The following SPAG16 variants were observed in gnomAD, a reference collection of about 807,000 sequenced individuals.
SPAG16 encodes sperm associated antigen 16, also known as sperm-associated antigen 16 protein.
SPAG16 carries 86 observed loss-of-function variants against 80.4 expected under a neutral mutation model. That is an observed-to-expected ratio of 1.07 (90% CI 0.90 to 1.28). The LOEUF is 1.28. SPAG16 is among the 50% of genes most tolerant of loss of function. SPAG16 has a pLI of 0.00. For synonymous variants in SPAG16, 294 were observed against 265.9 expected, an observed-to-expected ratio of 1.11 and a Z score of -1.03; for missense variants, 870 against 765.3, an observed-to-expected ratio of 1.14 and a Z score of -1.61.
intron 10 of SPAG16, among the ~76,000 whole-genome samples, chr2:213,510,173 A>G (rs369971971): frequency 2.6e-5 from 4 of 152,096 alleles, no homozygotes; most frequent in African/African-American, 9.7e-5. Context: ...CTGAAATCCT[A>G]GTTATTTTCA....
intron 10 of SPAG16, among the ~76,000 whole-genome samples, chr2:213,752,493 G>T (rs538134648): frequency 6.6e-6 from 1 of 152,076 alleles, no homozygotes; most frequent in South Asian, 2.1e-4. Context: ...CTTCTAAAAT[G>T]CTTAAGGTTT....
chr2:214,008,962 G>C (rs966127852), intron 12 of SPAG16, among the ~76,000 whole-genome samples: 1 of 152,098 alleles, frequency 6.6e-6, no homozygotes, highest in African/African-American at 2.4e-5. Context: ...TACCCCTATA[G>C]TGGAGCCTTT....
At chr2:214,313,410 T>TTTCATTTTA (rs1168277459) in intron 15 of SPAG16, among the ~76,000 whole-genome samples, 1 of 152,130 alleles carries the variant, frequency 6.6e-6, no homozygotes, top group East Asian at 1.9e-4. Flanking sequence ...TTCGATTACT[T>TTTCATTTTA]TTCATTTTAT....
chr2:213,829,615 T>C (rs1161779288), intron 10 of SPAG16, among the ~76,000 whole-genome samples: 4 of 152,132 alleles, frequency 2.6e-5, no homozygotes, highest in Non-Finnish European at 5.9e-5. Context: ...GGATCACACC[T>C]GAAGGCAGTG....
intron 11 of SPAG16, among the ~76,000 whole-genome samples, chr2:213,862,963 C>A (rs940117609): frequency 6.6e-6 from 1 of 152,114 alleles, no homozygotes; most frequent in African/African-American, 2.4e-5. Context: ...CCAGAATTTA[C>A]CTTTGTTAAT....
intron 10 of SPAG16, among the ~76,000 whole-genome samples, chr2:213,787,641 A>G (rs2070426787): frequency 1.3e-5 from 2 of 152,050 alleles, no homozygotes; most frequent in Admixed American, 1.3e-4. Context: ...ATATAATTAA[A>G]TGATTTTTAA....
chr2:213,525,926 AT>A (rs1476140192), intron 10 of SPAG16, among the ~76,000 whole-genome samples: 1 of 152,172 alleles, frequency 6.6e-6, no homozygotes, highest in African/African-American at 2.4e-5. Context: ...TTCATAAAAA[AT>A]AATAGTGTAA....
chr2:214,120,981 T>G (rs1184891040), intron 14 of SPAG16, among the ~76,000 whole-genome samples: 1 of 151,824 alleles, frequency 6.6e-6, no homozygotes, highest in Non-Finnish European at 1.5e-5. Context: ...CCTTTCTCCA[T>G]TATGTCATCT....
chr2:214,153,054 C>G (rs2056053259), intron 15 of SPAG16, among the ~76,000 whole-genome samples: 2 of 152,078 alleles, frequency 1.3e-5, no homozygotes, highest in Non-Finnish European at 2.9e-5. Context: ...AGGCCCTCCA[C>G]AAGAGGTGGA....
intron 9 of SPAG16, among the ~76,000 whole-genome samples, chr2:213,426,329 A>G (rs1031463139): frequency 3.9e-5 from 6 of 151,932 alleles, no homozygotes; most frequent in Non-Finnish European, 7.4e-5. Flanking sequence ...TTGTATTTTT[A>G]TAAGAAAACG....
intron 10 of SPAG16, among the ~76,000 whole-genome samples, chr2:213,736,746 C>T (rs921100102): frequency 1.3e-5 from 2 of 150,142 alleles, no homozygotes; most frequent in East Asian, 3.9e-4. Flanking sequence ...CTTTTGTTCC[C>T]CAAGCTGCAG....
intron 11 of SPAG16, among the ~76,000 whole-genome samples, chr2:213,863,902 A>G (rs771955398): frequency 1.2e-4 from 19 of 152,308 alleles, no homozygotes; most frequent in Non-Finnish European, 2.2e-4. Context: ...ATGAATTTAC[A>G]TTTAGCACTT....
At chr2:213,966,884 A>T (rs991116161) in intron 12 of SPAG16, among the ~76,000 whole-genome samples, 2 of 152,112 alleles carry the variant, frequency 1.3e-5, no homozygotes, top group Non-Finnish European at 2.9e-5. Flanking sequence ...CCATTCATTA[A>T]GGGAAGCATG....
At chr2:214,011,496 C>T (rs2047279699) in intron 12 of SPAG16, among the ~76,000 whole-genome samples, 1 of 152,072 alleles carries the variant, frequency 6.6e-6, no homozygotes, top group South Asian at 2.1e-4. Context: ...GATTTGTGGA[C>T]CATATTATCT....
chr2:213,852,177 G>C (rs1174074907), intron 10 of SPAG16, among the ~76,000 whole-genome samples: 1 of 152,152 alleles, frequency 6.6e-6, no homozygotes, highest in Non-Finnish European at 1.5e-5. Flanking sequence ...CTTTCCTGAA[G>C]GTAGTGGTGA....
intron 13 of SPAG16, among the ~76,000 whole-genome samples, chr2:214,056,387 G>A (rs1272823863): frequency 2.0e-5 from 3 of 151,694 alleles, no homozygotes; most frequent in African/African-American, 7.3e-5. Context: ...TTCTGTTCCA[G>A]ACTACCACAA....
At chr2:214,283,899 C>T (rs562618821) in intron 15 of SPAG16, among the ~76,000 whole-genome samples, 11 of 152,258 alleles carry the variant, frequency 7.2e-5, no homozygotes, top group African/African-American at 2.6e-4. Context: ...ACATTATAAA[C>T]TTCTTTAAAT....
chr2:214,042,293 C>A (rs576682599), intron 13 of SPAG16, among the ~76,000 whole-genome samples: 1 of 151,708 alleles, frequency 6.6e-6, no homozygotes, highest in African/African-American at 2.4e-5. Context: ...CCTTGGATAC[C>A]AAATTAAACT....
intron 4 of SPAG16, among the ~76,000 whole-genome samples, chr2:213,312,693 G>A (rs898234102): frequency 6.6e-6 from 1 of 151,608 alleles, no homozygotes; most frequent in Non-Finnish European, 1.5e-5. Flanking sequence ...AAAAGTAATA[G>A]TACAATTATT....
Sources: allele counts gnomAD v4.1 joint callset (sites outside exome capture counted in the v4.1 genomes callset), GRCh38; gene constraint gnomAD v4.1.1; transcripts MANE v1.5; gene names NCBI Gene and HGNC (gene_info 2026-07-23, HGNC 2026-07-21).